The following GPHN variants were observed in gnomAD, a reference collection of about 807,000 sequenced individuals.
The protein encoded by GPHN is gephyrin.
In GPHN, 17 loss-of-function variants were observed where a neutral mutation model predicts 95.5. The ratio of observed to expected loss-of-function variants is 0.18; its 90% confidence interval spans 0.12 to 0.27. The LOEUF is 0.27. Ranked by LOEUF, GPHN falls within the 10% of genes least tolerant of loss-of-function variation. GPHN has a pLI of 1.00. For missense variants in GPHN, 660 were observed against 978.1 expected (o/e 0.67, Z 4.34); for synonymous variants, 320 against 322.5 (o/e 0.99, Z 0.08).
chr14:66,962,299 T>A (rs1036609378), intron 8 of GPHN, among the ~76,000 whole-genome samples: 2 of 151,616 alleles, frequency 1.3e-5, no homozygotes, highest in Non-Finnish European at 3.0e-5. Context: ...ATATCTGCAA[T>A]AATTTCTAAG....
chr14:67,354,570 A>T, the GPHN span, among the ~76,000 whole-genome samples: 1 of 152,234 alleles, frequency 6.6e-6, no homozygotes, highest in South Asian at 2.1e-4. Flanking sequence ...TAAATGCTAA[A>T]TACATCAGAG....
chr14:67,027,754 T>C (rs759158350), intron 10 of GPHN, among the ~76,000 whole-genome samples: 14 of 152,164 alleles, frequency 9.2e-5, no homozygotes, highest in Non-Finnish European at 1.5e-5. Context: ...TTTATTGATA[T>C]ATAATATTTG....
chr14:67,511,030 C>T, the GPHN span, among the ~76,000 whole-genome samples: 2 of 152,104 alleles, frequency 1.3e-5, no homozygotes, highest in Non-Finnish European at 2.9e-5. Context: ...TGGCTGGCAT[C>T]CCTAGCTCCT....
At chr14:67,620,122 T>G in the GPHN span, 2 of 1,476,882 alleles carry the variant, frequency 1.4e-6, no homozygotes, top group Non-Finnish European at 1.9e-6. Flanking sequence ...CCGGGCAGGA[T>G]CCTCCGCCCC....
At chr14:67,694,302 T>G in the GPHN span, among the ~76,000 whole-genome samples, 1 of 151,568 alleles carries the variant, frequency 6.6e-6, no homozygotes, top group Non-Finnish European at 1.5e-5. Flanking sequence ...GCTCCAGGAG[T>G]GACAACTTAG....
chr14:67,233,667 C>T, the GPHN span, among the ~76,000 whole-genome samples: 1 of 152,112 alleles, frequency 6.6e-6, no homozygotes, highest in Non-Finnish European at 1.5e-5. Context: ...ACAATCCAGG[C>T]AAAAGATGAT....
chr14:67,525,287 G>GC, the GPHN span, among the ~76,000 whole-genome samples: 23 of 152,010 alleles, frequency 1.5e-4, no homozygotes, highest in Admixed American at 7.9e-4. Context: ...TATTCTACAT[G>GC]CTTTTCTAGA....
the GPHN span, among the ~76,000 whole-genome samples, chr14:67,662,860 G>A: frequency 0.22 from 31,821 of 144,530 alleles, 3,959 homozygotes; most frequent in East Asian, 0.47. Context: ...CCGAGATTGC[G>A]CCATTGCACT....
At chr14:67,693,062 GAGA>G in the GPHN span, 50 of 1,581,382 alleles carry the variant, frequency 3.2e-5, 1 homozygote, top group South Asian at 5.6e-5. Context: ...CCTGCAGACA[GAGA>G]AGGAGAGCTC....
the GPHN span, among the ~76,000 whole-genome samples, chr14:67,531,951 T>A: frequency 6.6e-6 from 1 of 150,786 alleles, no homozygotes; most frequent in Non-Finnish European, 1.5e-5. Flanking sequence ...TGAATTAATG[T>A]CTTCTTAGCA....
At chr14:66,784,783 A>T (rs1428207405) in intron 3 of GPHN, among the ~76,000 whole-genome samples, 1 of 152,204 alleles carries the variant, frequency 6.6e-6, no homozygotes, top group Non-Finnish European at 1.5e-5. Context: ...TGTTTAAGTG[A>T]TTCACAATAA....
intron 3 of GPHN, among the ~76,000 whole-genome samples, chr14:66,798,910 G>C (rs2060250590): frequency 6.6e-6 from 1 of 151,292 alleles, no homozygotes; most frequent in Non-Finnish European, 1.5e-5. Context: ...TTATTAGATT[G>C]CTTATTTGAA....
chr14:67,279,066 G>GTTT, the GPHN span: 25 of 934,090 alleles, frequency 2.7e-5, no homozygotes, highest in South Asian at 9.7e-5. Flanking sequence ...GATGTGAGAA[G>GTTT]TTTTTTTTTT....
chr14:66,515,605 G>A (rs779292122), intron 1 of GPHN, among the ~76,000 whole-genome samples: 11 of 152,134 alleles, frequency 7.2e-5, no homozygotes, highest in Non-Finnish European at 1.2e-4. Context: ...GTTGATTCTG[G>A]TGATCAAAAT....
the GPHN span, among the ~76,000 whole-genome samples, chr14:67,686,496 G>A: frequency 5.3e-5 from 8 of 152,120 alleles, no homozygotes; most frequent in African/African-American, 1.2e-4. Flanking sequence ...AAAATTGGCC[G>A]GGCATGGTGG....
At chr14:67,083,113 G>A (rs990711799) in intron 11 of GPHN, among the ~76,000 whole-genome samples, 1 of 152,078 alleles carries the variant, frequency 6.6e-6, no homozygotes, top group African/African-American at 2.4e-5. Context: ...TAGACACAAA[G>A]GAAATAAAAA....
chr14:67,717,551 C>T, the GPHN span, among the ~76,000 whole-genome samples: 1 of 152,362 alleles, frequency 6.6e-6, no homozygotes, highest in African/African-American at 2.4e-5. Flanking sequence ...ATACTACATA[C>T]ACCAGGGTTA....
chr14:66,595,640 T>C (rs1056582507), intron 1 of GPHN, among the ~76,000 whole-genome samples: 2 of 152,176 alleles, frequency 1.3e-5, no homozygotes, highest in African/African-American at 4.8e-5. Context: ...TGAGGCTTAC[T>C]GCAAGCAGCT....
At chr14:66,901,061 G>T (rs902319700) in intron 5 of GPHN, among the ~76,000 whole-genome samples, 1 of 151,982 alleles carries the variant, frequency 6.6e-6, no homozygotes, top group Non-Finnish European at 1.5e-5. Context: ...GTTACTGCCT[G>T]TCTTTTTGAT....
Sources: gnomAD v4.1 joint callset for allele counts (sites outside exome capture counted in the v4.1 genomes callset) on GRCh38, gnomAD v4.1.1 for gene constraint, MANE v1.5 for transcripts, NCBI Gene and HGNC (gene_info 2026-07-23, HGNC 2026-07-21) for gene names.